Variants in SDAD1 observed in about 807,000 individuals in gnomAD.
SDAD1 encodes the protein protein SDA1 homolog.
SDAD1 carries 79 observed loss-of-function variants against 100.3 expected under a neutral mutation model. That is an observed-to-expected ratio of 0.79 (90% confidence interval 0.66 to 0.95). The LOEUF (loss-of-function observed/expected upper bound fraction) is 0.95. SDAD1 is among the 40% of genes least tolerant of loss of function. The pLI is 0.00. For synonymous variants in SDAD1, 267 were observed against 271.4 expected, an observed-to-expected ratio of 0.98 and a Z score of 0.16; for missense variants, 790 against 810.9, an observed-to-expected ratio of 0.97 and a Z score of 0.31.
Position 75,957,363 on chromosome 4 carries a change from G to C in SDAD1, c.1816C>G (p.Pro606Ala). The C allele has an allele frequency of 6.2e-7, 1 of 1,614,082 alleles. No homozygotes were observed. The highest frequency in any genetic ancestry group is 8.5e-7 in the Non-Finnish European group (1 of 1,180,008). Reference sequence around the variant, plus strand: ...AGTCTTGTCTCTTTGTCAGACTTTGGCTTTTTATGAAGGCGTTCAATGTCC... The same window carrying C: ...AGTCTTGTCTCTTTGTCAGACTTTGCCTTTTTATGAAGGCGTTCAATGTCC... ...LRDIERLHKK[P>A]KSDKETRLAT... is the part of the protein sequence containing the mutation. The change falls in exon 20 of 22, where the codon CCA (proline) becomes GCA (alanine). Residue 606 changes from proline to alanine, a missense_variant. By Grantham distance (27) the Pro-to-Ala change is conservative. Transcript: ENST00000356260.
intron 17 of SDAD1, 36 bp downstream of exon 17, chr4:75,960,030 T>C (rs751129295): frequency 3.8e-6 from 6 of 1,588,426 alleles, no homozygotes; most frequent in Non-Finnish European, 8.5e-7. Flanking sequence ...ACTGCAGGAG[T>C]GTTTTGCCCA....
intron 4 of SDAD1, 146 bp downstream of exon 4, chr4:75,977,500 T>C: frequency 3.0e-6 from 2 of 658,096 alleles, no homozygotes; most frequent in South Asian, 1.7e-5. Context: ...TAAATATGGC[T>C]ATTAACACCA....
Position 75,956,024 on chromosome 4 carries a change from T to C in SDAD1, c.1967A>G (p.Tyr656Cys). 1 of 1,611,920 alleles carries C rather than the reference T, an allele frequency of 6.2e-7. No homozygotes were observed. The highest frequency in any genetic ancestry group is 1.1e-5 in the South Asian group (1 of 90,432). The change falls in exon 21 of 22, where the codon TAT becomes TGT. Residue 656 changes from tyrosine (Y) to cysteine (C), a missense_variant. Coordinates refer to ENST00000356260, the MANE Select transcript of SDAD1 (RefSeq NM_018115.4). The stretch of plus-strand genomic sequence containing the variant: ...ATTTTTTGACCGGACATTCTGGCTA[T>C]ACCGCATCATCATAAAGTTCTTCTG... ...KKQKNFMMMR[Y>C]SQNVRSKNKR...
intron 11 of SDAD1, among the ~76,000 whole-genome samples, 193 bp from the exon 12 acceptor site, chr4:75,967,527 T>C (rs965024211): frequency 1.3e-5 from 2 of 152,360 alleles, no homozygotes; most frequent in African/African-American, 4.8e-5. Flanking sequence ...AATGAGGCTA[T>C]GCTGCTATCC....
chr4:75,979,260 G>C (rs1730348963), intron 3 of SDAD1, among the ~76,000 whole-genome samples: 2 of 152,050 alleles, frequency 1.3e-5, no homozygotes, highest in South Asian at 4.1e-4. Flanking sequence ...GCAGGACAGA[G>C]TGAACAAAAT....
chr4:75,961,692 C>G (rs1729239504), intron 14 of SDAD1, among the ~76,000 whole-genome samples: 1 of 152,184 alleles, frequency 6.6e-6, no homozygotes, highest in Non-Finnish European at 1.5e-5. Flanking sequence ...CTTATCAGGA[C>G]AGATTAGACA....
At chr4:75,960,495 G>A (rs184585477) in intron 16 of SDAD1, among the ~76,000 whole-genome samples, 1 of 152,142 alleles carries the variant, frequency 6.6e-6, no homozygotes, top group African/African-American at 2.4e-5. Flanking sequence ...GTAACCAAAT[G>A]ACAGCAACAG....
intron 12 of SDAD1, 148 bp downstream of exon 12, chr4:75,967,129 A>G: frequency 1.4e-6 from 1 of 702,958 alleles, no homozygotes; most frequent in Non-Finnish European, 2.4e-6. Context: ...AACCCATAGC[A>G]AACTCTAGAA....
At chr4:75,979,463 C>A (rs191121733) in intron 3 of SDAD1, among the ~76,000 whole-genome samples, 91 of 151,930 alleles carry the variant, frequency 6.0e-4, no homozygotes, top group African/African-American at 2.1e-3. Context: ...TAAAGGAAAT[C>A]TCTATTATTA....
At chr4:75,974,201 G>A in intron 6 of SDAD1, 68 bp from the exon 7 acceptor site, 2 of 1,237,284 alleles carry the variant, frequency 1.6e-6, no homozygotes, top group Non-Finnish European at 2.4e-6. Flanking sequence ...ACAGACAATG[G>A]CACAAAATAA....
chr4:75,954,888 T>A (rs1728806571), intron 21 of SDAD1, among the ~76,000 whole-genome samples: 1 of 152,288 alleles, frequency 6.6e-6, no homozygotes, highest in African/African-American at 2.4e-5. Context: ...CGCCTGTCCA[T>A]ATGGATAAGA....
chr4:75,969,030 C>CAAAAAAAAAAAAAAAAAAAAAA (rs35570189), intron 11 of SDAD1, among the ~76,000 whole-genome samples: 1 of 63,998 alleles, frequency 1.6e-5, no homozygotes, highest in Non-Finnish European at 2.6e-5. Flanking sequence ...GACTCTGTCT[C>CAAAAAAAAAAAAAAAAAAAAAA]AAAAAAAAAA....
intron 14 of SDAD1, among the ~76,000 whole-genome samples, chr4:75,962,969 T>C (rs189950597): frequency 0.02 from 2,996 of 152,334 alleles, 46 homozygotes; most frequent in Non-Finnish European, 0.032. Flanking sequence ...TCCTTGTCCA[T>C]GCCTATGTCC....
intron 15 of SDAD1, 31 bp downstream of exon 15, chr4:75,961,179 CT>C: frequency 6.2e-7 from 1 of 1,606,860 alleles, no homozygotes. Context: ...ACACTGTACT[CT>C]TTGGTGTGTA....
At position 75,973,410 on chromosome 4, in the gene SDAD1, A is replaced by G; in HGVS notation, c.637-19T>C. 1 of 1,571,202 alleles carries G rather than the reference A, an allele frequency of 6.4e-7. No individual in the cohort carries two copies. The highest frequency in any genetic ancestry group is 8.8e-7 in the Non-Finnish European group (1 of 1,141,478). ...CTAATATCTAAACACCAATGAGAAA[A>G]AAGTCAGCTACTTGATTCAGCTTAA... is the stretch of plus-strand genomic sequence containing the variant. On this transcript the variant is annotated intron_variant, in intron 7 of 21. Coordinates refer to ENST00000356260, the MANE Select transcript of SDAD1 (RefSeq NM_018115.4).
rs918595552 is a variant in SDAD1 at position 75,975,977 on chromosome 4, C to T, written c.424G>A (p.Val142Met). Residue 142 changes from valine to methionine, a missense_variant, in exon 5 of 22, where the codon GTG (valine) becomes ATG (methionine). By Grantham distance (21) the Val-to-Met change is conservative. Coordinates refer to ENST00000356260, the MANE Select transcript of SDAD1 (RefSeq NM_018115.4). ...LLRKTLYTHI[V>M]TDIKNINAKH... ...GCATTTATATTCTTGATATCAGTCACAATATGTGTGTATAAAGTCTGAGGA... is the reference window on the plus strand; with the variant it reads ...GCATTTATATTCTTGATATCAGTCATAATATGTGTGTATAAAGTCTGAGGA... The T allele has an allele frequency of 6.3e-7, 1 of 1,599,372 alleles. No individual in the cohort carries two copies. Among genetic ancestry groups the T allele is most frequent in the Admixed American group, 1.7e-5 (1 of 59,946 alleles).
At position 75,970,963 on chromosome 4, in the gene SDAD1, G is replaced by T. The variant is rs762084097; in HGVS notation, c.813+394C>A. ...TTTATAAATTACCCAGCCTCAGGTT[G>T]TTCTTTATAGCAGTGTGAAAACAAA... On this transcript the variant is annotated intron_variant, in intron 9 of 21. Transcript: ENST00000356260. 4.6e-5 allele frequency among the ~76,000 whole-genome samples: 7 copies of T among 152,284 alleles called. 1 individual carries two copies. In the Middle Eastern group the frequency reaches 0.01, roughly 222 times the overall value.
chr4:75,988,367 G>A (rs1193929386), intron 1 of SDAD1, among the ~76,000 whole-genome samples: 1 of 152,050 alleles, frequency 6.6e-6, no homozygotes, highest in East Asian at 1.9e-4. Flanking sequence ...CTACCCCAAG[G>A]TCTTTATACC....
chr4:75,970,442 GTGCTAATAAGGC>G, intron 9 of SDAD1, 64 bp from the exon 10 acceptor site: 1 of 1,252,870 alleles, frequency 8.0e-7, no homozygotes, highest in Non-Finnish European at 1.2e-6. Context: ...AGAACTTAAT[GTGCTAATAAGGC>G]TGTTATAAGT....
Sources: gnomAD v4.1 joint callset for allele counts (sites outside exome capture counted in the v4.1 genomes callset) on GRCh38, gnomAD v4.1.1 for gene constraint, MANE v1.5 for transcripts, NCBI Gene and HGNC (gene_info 2026-07-23, HGNC 2026-07-21) for gene names.